Variants in KDELR2 observed in about 807,000 individuals in gnomAD.
The protein encoded by KDELR2 is KDEL endoplasmic reticulum protein retention receptor 2.
Under a neutral mutation model 23.9 loss-of-function variants are expected in KDELR2, and 15 were observed. The observed-to-expected ratio is 0.63, with a 90% CI of 0.42 to 0.97. The LOEUF is 0.97. KDELR2 is among the 50% of genes least tolerant of loss of function. The pLI is 0.00. For missense variants in KDELR2, 272 were observed against 254.6 expected (o/e 1.07, Z -0.46); for synonymous variants, 119 against 106.2 (o/e 1.12, Z -0.74).
At chr7:6,464,797 G>A (rs1307327619) in intron 4 of KDELR2, among the ~76,000 whole-genome samples, 3 of 144,562 alleles carry the variant, frequency 2.1e-5, no homozygotes, top group Non-Finnish European at 4.5e-5. Flanking sequence ...GTGCAATGGC[G>A]TGATATCAGC....
In KDELR2 at chr7:6,466,283, A is replaced by G. The variant is rs767675338; in HGVS notation, c.392T>C (p.Ile131Thr). Residue 131 changes from isoleucine (I) to threonine (T), a missense_variant, in exon 4 of 5, where the codon ATC becomes ACC. By Grantham distance (89) the Ile-to-Thr change is moderately conservative (BLOSUM62 -1). Coordinates refer to ENST00000258739, the MANE Select transcript of KDELR2 (RefSeq NM_006854.4). Reference sequence around the variant, plus strand: ...GCTGATCATAAATAGCTGCGGAAGGATAGCCACGGACTCCAGGTAGATGGA... The same window carrying G: ...GCTGATCATAAATAGCTGCGGAAGGGTAGCCACGGACTCCAGGTAGATGGA... ...TFSIYLESVAILPQLFMISKT... is the reference protein window; with the variant it reads ...TFSIYLESVATLPQLFMISKT... 1.2e-6 allele frequency: 2 copies of G among 1,613,982 alleles called. No homozygotes were observed.
chr7:6,482,870 T>C (rs1583322982), intron 1 of KDELR2, among the ~76,000 whole-genome samples: 1 of 142,610 alleles, frequency 7.0e-6, no homozygotes, highest in Non-Finnish European at 1.5e-5. Context: ...CCAGGCATGG[T>C]GGTGCACGCA....
chr7:6,483,085 C>T (rs1380840228), intron 1 of KDELR2, among the ~76,000 whole-genome samples: 1 of 152,060 alleles, frequency 6.6e-6, no homozygotes, highest in African/African-American at 2.4e-5. Context: ...AAACTATTAT[C>T]TGGGAAAGAC....
rs1785382177 is a variant in KDELR2, at chr7:6,461,222, C to T, written c.*1919G>A. 1 of 152,150 alleles carries T rather than the reference C, an allele frequency of 6.6e-6. No homozygotes were observed. The highest frequency in any genetic ancestry group is 1.5e-5 in the Non-Finnish European group (1 of 68,032). 9.4% of individuals were successfully genotyped at this position (152,150 alleles called of 1,614,324 possible). A position where few individuals can be genotyped will look rare whatever the true frequency, so the allele number is the denominator to read the frequency against. On this transcript the variant is annotated 3_prime_UTR_variant, in exon 5 of 5. Coordinates refer to ENST00000258739, the MANE Select transcript of KDELR2 (RefSeq NM_006854.4). The stretch of plus-strand genomic sequence containing the variant: ...CAGTCCCACACTCCCTCGCAGGCAC[C>T]CTTGCTAAGATGTCCTCCTGGGTGA...
At chr7:6,464,449 G>A (rs961380069) in intron 4 of KDELR2, among the ~76,000 whole-genome samples, 1 of 152,036 alleles carries the variant, frequency 6.6e-6, no homozygotes, top group South Asian at 2.1e-4. Flanking sequence ...AAGCTGCAAG[G>A]TGGAGGTTGC....
At chr7:6,473,388 TC>T (rs1471403734) in intron 2 of KDELR2, among the ~76,000 whole-genome samples, 1 of 152,182 alleles carries the variant, frequency 6.6e-6, no homozygotes, top group Non-Finnish European at 1.5e-5. Context: ...CTGTAGGTGT[TC>T]ACAAGCATGA....
intron 1 of KDELR2, chr7:6,482,379 A>C: frequency 3.4e-6 from 1 of 295,148 alleles, no homozygotes; most frequent in Non-Finnish European, 7.2e-6. Flanking sequence ...GCAAGTGCCT[A>C]AACATCACTT....
intron 1 of KDELR2, among the ~76,000 whole-genome samples, chr7:6,479,596 C>T (rs1785843190): frequency 6.6e-6 from 1 of 152,214 alleles, no homozygotes; most frequent in African/African-American, 2.4e-5. Context: ...CCTGCCTCAG[C>T]CTCCCAAGTA....
intron 1 of KDELR2, among the ~76,000 whole-genome samples, chr7:6,483,724 C>T (rs1785964058): frequency 6.6e-6 from 1 of 152,190 alleles, no homozygotes; most frequent in African/African-American, 2.4e-5. Flanking sequence ...TGCGCTCCGA[C>T]AGCTCAAGTT....
At chr7:6,470,646 T>C (rs1785611840) in intron 2 of KDELR2, among the ~76,000 whole-genome samples, 1 of 152,204 alleles carries the variant, frequency 6.6e-6, no homozygotes, top group African/African-American at 2.4e-5. Flanking sequence ...GAGCCTGCTA[T>C]ATTTGTTATT....
At chr7:6,472,805 T>A (rs974823473) in intron 2 of KDELR2, among the ~76,000 whole-genome samples, 3 of 151,788 alleles carry the variant, frequency 2.0e-5, no homozygotes, top group Non-Finnish European at 4.4e-5. Context: ...TGGCCTAGAA[T>A]AGTGCCTGGT....
intron 1 of KDELR2, among the ~76,000 whole-genome samples, 181 bp downstream of exon 1, chr7:6,483,786 G>A (rs1785966488): frequency 6.6e-6 from 1 of 152,052 alleles, no homozygotes; most frequent in Non-Finnish European, 1.5e-5. Flanking sequence ...ACCCGGCCCG[G>A]AGCCCACCCC....
At chr7:6,482,926 G>C (rs1026384000) in intron 1 of KDELR2, among the ~76,000 whole-genome samples, 1 of 151,270 alleles carries the variant, frequency 6.6e-6, no homozygotes, top group South Asian at 2.1e-4. Flanking sequence ...GATTACCTGA[G>C]CCAGGGGAGG....
intron 2 of KDELR2, chr7:6,469,972 C>A: frequency 2.6e-6 from 1 of 383,480 alleles, no homozygotes. Context: ...ATAGTTCCAT[C>A]ATCCCCAAAA....
chr7:6,468,408 C>T (rs1273779501), intron 3 of KDELR2, among the ~76,000 whole-genome samples: 6 of 152,208 alleles, frequency 3.9e-5, no homozygotes, highest in Non-Finnish European at 8.8e-5. Context: ...CGGCTCACTG[C>T]AACTTCCGCC....
Position 6,466,160 on chromosome 7 carries a change from A to G in KDELR2, c.515T>C (p.Phe172Ser), listed in dbSNP as rs1406149438. The change falls in exon 4 of 5, where the codon TTT becomes TCT. Residue 172 changes from phenylalanine (F) to serine (S), a missense_variant. Coordinates refer to ENST00000258739, the MANE Select transcript of KDELR2 (RefSeq NM_006854.4). The stretch of plus-strand genomic sequence containing the variant: ...AGCAATGAGGTCAAAGAAGCCCTCA[A>G]AGTAGAAGCGCCAGATCCAGTTGAC... ...YLVNWIWRFY[F>S]EGFFDLIAVV... The G allele has an allele frequency of 1.2e-6, 2 of 1,614,224 alleles. No individual in the cohort carries two copies. The highest frequency in any genetic ancestry group is 1.1e-5 in the South Asian group (1 of 91,088).
At position 6,462,983 on chromosome 7, in the gene KDELR2, G is replaced by C; in HGVS notation, c.*158C>G. On this transcript the variant is annotated 3_prime_UTR_variant, in exon 5 of 5. Transcript: ENST00000258739. ...AAGATGCATTAAACAGAAACCTTCTGGCTCTTTTCCTCTGCGTTTTTACAG... is the reference window on the plus strand; with the variant it reads ...AAGATGCATTAAACAGAAACCTTCTCGCTCTTTTCCTCTGCGTTTTTACAG... 1 of 1,613,710 alleles carries C rather than the reference G, an allele frequency of 6.2e-7. No homozygotes were observed. The highest frequency in any genetic ancestry group is 8.5e-7 in the Non-Finnish European group (1 of 1,179,864).
intron 4 of KDELR2, among the ~76,000 whole-genome samples, chr7:6,463,472 T>A (rs1785429744): frequency 2.0e-5 from 3 of 152,134 alleles, no homozygotes; most frequent in Admixed American, 2.0e-4. Flanking sequence ...GGCTCATGCC[T>A]GTAATCCCAG....
At chr7:6,468,196 A>G (rs75586609) in intron 3 of KDELR2, among the ~76,000 whole-genome samples, 1 of 152,148 alleles carries the variant, frequency 6.6e-6, no homozygotes, top group Non-Finnish European at 1.5e-5. Flanking sequence ...CTCATCTACG[A>G]TTTTTTTACA....
Sources: allele counts gnomAD v4.1 joint callset (sites outside exome capture counted in the v4.1 genomes callset), GRCh38; gene constraint gnomAD v4.1.1; transcripts MANE v1.5; gene names NCBI Gene and HGNC (gene_info 2026-07-23, HGNC 2026-07-21).